C1R: variants seen among roughly 807,000 people sequenced by gnomAD.
C1R encodes complement C1r, also known as complement C1r subcomponent.
In C1R, 15 loss-of-function variants were observed where a neutral mutation model predicts 27.6. That is an observed-to-expected ratio of 0.54 (90% CI 0.36 to 0.84). The LOEUF (loss-of-function observed/expected upper bound fraction) is 0.84, where lower values mean the gene tolerates loss of function less well. C1R is among the 40% of genes least tolerant of loss of function. The pLI, the probability that C1R is intolerant of heterozygous loss-of-function variation, is 0.01. For synonymous variants in C1R, 253 were observed against 228.8 expected, an observed-to-expected ratio of 1.11 and a Z score of -0.95; for missense variants, 544 against 577.9, an observed-to-expected ratio of 0.94 and a Z score of 0.60.
rs1438157043 is a variant in C1R, at chr12:7,091,207, C to T, written c.231+245G>A. The T allele has an allele frequency of 3.9e-6, 2 of 506,570 alleles. No homozygotes were observed. The highest frequency in any genetic ancestry group is 6.9e-6 in the Non-Finnish European group (2 of 289,572). The allele number at this position is 506,570 out of a possible 1,614,324, so 31.4% of individuals were successfully genotyped here. A position where few individuals can be genotyped will look rare whatever the true frequency, so the allele number is the denominator to read the frequency against. On this transcript the variant is annotated intron_variant, in intron 2 of 10. Coordinates refer to ENST00000647956, the MANE Select transcript of C1R (RefSeq NM_001733.7). The surrounding 1 kb of genome is among the most constrained non-coding windows in gnomAD (Gnocchi z 5.1). ...GCAGATGGGGAAGGTTTTCCTGACT[C>T]AGTGGATGTTGAATTTCCTGAGTGG...
chr12:7,092,205 T>G, intron 1 of C1R, 182 bp downstream of exon 1: 2 of 658,940 alleles, frequency 3.0e-6, no homozygotes, highest in South Asian at 1.7e-5. Flanking sequence ...ATGTATGAAG[T>G]CTCCTCTGAT....
rs1591591815 is a variant in C1R, at chr12:7,091,356, G to C, written c.231+96C>G. On this transcript the variant is annotated intron_variant, in intron 2 of 10. Coordinates refer to ENST00000647956, the MANE Select transcript of C1R (RefSeq NM_001733.7). This position sits in a 1 kb window ranked among gnomAD's most constrained non-coding sequence, Gnocchi z 5.1. Reference sequence around the variant, plus strand: ...AGGCCGTTGGCCATCAGCTCTTGTGGGGCTGGGCTGTGTCTGGGGGTGTGC... The same window carrying C: ...AGGCCGTTGGCCATCAGCTCTTGTGCGGCTGGGCTGTGTCTGGGGGTGTGC... The C allele has an allele frequency of 2.9e-6, 2 of 680,572 alleles. No homozygotes were observed. The allele number at this position is 680,572 out of a possible 1,614,324, so 42.2% of individuals were successfully genotyped here.
At position 7,091,846 on chromosome 12, in the gene C1R, G is replaced by A; in HGVS notation, c.3-166C>T. 1 of 700,428 alleles carries A rather than the reference G, an allele frequency of 1.4e-6. No individual in the cohort carries two copies. Among genetic ancestry groups the A allele is most frequent in the South Asian group, 1.5e-5 (1 of 66,708 alleles). The allele number at this position is 700,428 out of a possible 1,614,324, so 43.4% of individuals were successfully genotyped here. A position where few individuals can be genotyped will look rare whatever the true frequency, so the allele number is the denominator to read the frequency against. On this transcript the variant is annotated intron_variant, in intron 1 of 10. Transcript: ENST00000647956. This position sits in a 1 kb window ranked among gnomAD's most constrained non-coding sequence, Gnocchi z 5.1. ...TCAGCAGGGGTGCGTGGGTGGGGAG[G>A]ATGGCCTGTGCAGCTGCTGCATCGG...
At chr12:7,086,051 A>G (rs1938152098) in intron 8 of C1R, 35 bp from the exon 9 acceptor site, 1 of 398,580 alleles carries the variant, frequency 2.5e-6, no homozygotes, top group African/African-American at 2.1e-5. Context: ...GAGAGCTGAG[A>G]ATGACTGTGC....
At position 7,091,969 on chromosome 12, in the gene C1R, C is replaced by G; in HGVS notation, c.3-289G>C. 1 of 609,158 alleles carries G rather than the reference C, an allele frequency of 1.6e-6. No individual in the cohort carries two copies. The highest frequency in any genetic ancestry group is 1.7e-5 in the South Asian group (1 of 57,746). The allele number at this position is 609,158 out of a possible 1,614,324, so 37.7% of individuals were successfully genotyped here. A position where few individuals can be genotyped will look rare whatever the true frequency, so the allele number is the denominator to read the frequency against. ...CTGCCCGGACGCGTCCCTCCCCTCC[C>G]CTTCCAGGAATAGGACTGGCTTGGG... On this transcript the variant is annotated intron_variant, in intron 1 of 10. Coordinates refer to ENST00000647956, the MANE Select transcript of C1R (RefSeq NM_001733.7). The surrounding 1 kb of genome is among the most constrained non-coding windows in gnomAD (Gnocchi z 5.1).
In C1R at chr12:7,090,138, C is replaced by G. The variant is rs1376670321; in HGVS notation, c.342G>C (p.Leu114=). ...EFMSQGNKML[L]TFHTDFSNEE... ...CGTTGGAGAAGTCTGTGTGGAAGGT[C>G]AGCAGCATCTTGTTCCCTTGGGACA... The change falls in exon 3 of 11, where the codon CTG becomes CTC. Residue 114 remains leucine, a synonymous_variant. Coordinates refer to ENST00000647956, the MANE Select transcript of C1R (RefSeq NM_001733.7). 1 of 776,258 alleles carries G rather than the reference C, an allele frequency of 1.3e-6. No individual in the cohort carries two copies. 48.1% of individuals were successfully genotyped at this position (776,258 alleles called of 1,614,324 possible).
At position 7,089,003 on chromosome 12, in the gene C1R, G is replaced by A; in HGVS notation, c.769-17C>T. On this transcript the variant is annotated splice_polypyrimidine_tract_variant and intron_variant, in intron 5 of 10. Coordinates refer to ENST00000647956, the MANE Select transcript of C1R (RefSeq NM_001733.7). Reference sequence around the variant, plus strand: ...GGCATAGATCTAGTAGGGGAGGAGGGTTTTTTTTTTTCAGCTTGGACGTTT... The same window carrying A: ...GGCATAGATCTAGTAGGGGAGGAGGATTTTTTTTTTTCAGCTTGGACGTTT... The A allele has an allele frequency of 1.8e-6, 1 of 559,972 alleles. No homozygotes were observed. The highest frequency in any genetic ancestry group is 3.3e-6 in the Non-Finnish European group (1 of 302,186). 34.7% of individuals were successfully genotyped at this position (559,972 alleles called of 1,614,324 possible). A position where few individuals can be genotyped will look rare whatever the true frequency, so the allele number is the denominator to read the frequency against.
At chr12:7,085,443 T>C (rs1474908612) in intron 9 of C1R, among the ~76,000 whole-genome samples, 1 of 151,828 alleles carries the variant, frequency 6.6e-6, no homozygotes, top group Non-Finnish European at 1.5e-5. Context: ...ATGGTGGTGA[T>C]AATGGTAGTG....
chr12:7,081,554 G>A (rs1047443933), intron 10 of C1R, among the ~76,000 whole-genome samples: 83 of 150,940 alleles, frequency 5.5e-4, no homozygotes, highest in African/African-American at 1.8e-3. Context: ...ATGCAGTGGC[G>A]CGATTTCAGC....
At chr12:7,083,024 T>A (rs1318675984) in intron 9 of C1R, among the ~76,000 whole-genome samples, 17 of 152,322 alleles carry the variant, frequency 1.1e-4, no homozygotes, top group African/African-American at 3.1e-4. Context: ...TTTTTCTGTG[T>A]TTCAAACCTA....
chr12:7,089,978 C>T (rs1323652981), intron 3 of C1R, 78 bp downstream of exon 3: 9 of 702,110 alleles, frequency 1.3e-5, no homozygotes, highest in Non-Finnish European at 2.4e-5. Flanking sequence ...GGCTTCTTTG[C>T]ATTCAAGATT....
chr12:7,090,264 CA>C lies in C1R; in HGVS notation c.232-17del, dbSNP rs763828463. ...CAGCAGAGATCTGGTGGAAGAAGGA[CA>C]GGGGGTAGGAAGAAGATCTGTTGCG... On this transcript the variant is annotated splice_polypyrimidine_tract_variant and intron_variant, in intron 2 of 10. Coordinates refer to ENST00000647956, the MANE Select transcript of C1R (RefSeq NM_001733.7). The C allele has an allele frequency of 1.4e-6, 1 of 720,332 alleles. No homozygotes were observed. Among genetic ancestry groups the C allele is most frequent in the Admixed American group, 2.0e-5 (1 of 50,214 alleles). The allele number at this position is 720,332 out of a possible 1,614,324, so 44.6% of individuals were successfully genotyped here.
chr12:7,091,713 A>G lies in C1R; in HGVS notation c.3-33T>C, dbSNP rs1938279701. ...AACAAAAGAGAGTATCTGGAGCTGG[A>G]GGGGTTCAGCACTCTTGCCATGTGG... is the stretch of plus-strand genomic sequence containing the variant. On this transcript the variant is annotated intron_variant, in intron 1 of 10. Coordinates refer to ENST00000647956, the MANE Select transcript of C1R (RefSeq NM_001733.7). This position sits in a 1 kb window ranked among gnomAD's most constrained non-coding sequence, Gnocchi z 5.1. 2 of 719,400 alleles carry G rather than the reference A, an allele frequency of 2.8e-6. No homozygotes were observed. The highest frequency in any genetic ancestry group is 3.0e-5 in the South Asian group (2 of 67,580). 44.6% of individuals were successfully genotyped at this position (719,400 alleles called of 1,614,324 possible). A position where few individuals can be genotyped will look rare whatever the true frequency, so the allele number is the denominator to read the frequency against.
In C1R at chr12:7,088,628, T is replaced by C. The variant is rs757994169; in HGVS notation, c.1020A>G (p.Gln340=). The change falls in exon 7 of 11, where the codon CAA becomes CAG. Residue 340 remains glutamine, a synonymous_variant. Transcript: ENST00000647956. ...FRDYFIATCK[Q]GYQLIEGNQV... ...CTCTTACCTCTATGAGCTGGTAGCCTTGCTTGCAGGTAGCAATGAAGTAGT... is the reference window on the plus strand; with the variant it reads ...CTCTTACCTCTATGAGCTGGTAGCCCTGCTTGCAGGTAGCAATGAAGTAGT... 2.7e-6 allele frequency: 2 copies of C among 728,432 alleles called. No individual in the cohort carries two copies. The highest frequency in any genetic ancestry group is 3.5e-5 in the African/African-American group (2 of 57,916). The allele number at this position is 728,432 out of a possible 1,614,324, so 45.1% of individuals were successfully genotyped here. A position where few individuals can be genotyped will look rare whatever the true frequency, so the allele number is the denominator to read the frequency against.
chr12:7,085,705 T>G (rs1938145791), intron 9 of C1R, among the ~76,000 whole-genome samples, 156 bp downstream of exon 9: 1 of 152,112 alleles, frequency 6.6e-6, no homozygotes, highest in Non-Finnish European at 1.5e-5. Flanking sequence ...TCTTCAAACC[T>G]ACTAGGTTCC....
At chr12:7,092,262 GCA>G in intron 1 of C1R, 123 bp downstream of exon 1, 1 of 755,082 alleles carries the variant, frequency 1.3e-6, no homozygotes, top group Non-Finnish European at 2.5e-6. Flanking sequence ...CCACGCGTGT[GCA>G]CAGTGGAACT....
rs1938274963 is a variant in C1R at position 7,091,557 on chromosome 12, A to G, written c.126T>C (p.Phe42=). 2 of 778,012 alleles carry G rather than the reference A, an allele frequency of 2.6e-6. No homozygotes were observed. The highest frequency in any genetic ancestry group is 2.7e-5 in the South Asian group (2 of 73,818). The allele number at this position is 778,012 out of a possible 1,614,324, so 48.2% of individuals were successfully genotyped here. A position where few individuals can be genotyped will look rare whatever the true frequency, so the allele number is the denominator to read the frequency against. Residue 42 remains phenylalanine (F), a synonymous_variant, in exon 2 of 11, where the codon TTT becomes TTC. Coordinates refer to ENST00000647956, the MANE Select transcript of C1R (RefSeq NM_001733.7). This position sits in a 1 kb window ranked among gnomAD's most constrained non-coding sequence, Gnocchi z 5.1. ...GGACTGTGATCACAGTGGTTGTTTCAAAGTTGTTGGGGTAAGGCTTGGGGA... is the reference window on the plus strand; with the variant it reads ...GGACTGTGATCACAGTGGTTGTTTCGAAGTTGTTGGGGTAAGGCTTGGGGA... ...PLFPKPYPNN[F]ETTTVITVPT...
chr12:7,085,622 T>C (rs1441267088), intron 9 of C1R, among the ~76,000 whole-genome samples: 1 of 151,918 alleles, frequency 6.6e-6, no homozygotes, highest in East Asian at 1.9e-4. Flanking sequence ...ATGGTGGTAG[T>C]GGGGATGATG....
At chr12:7,086,083 G>C in intron 8 of C1R, 67 bp from the exon 9 acceptor site, 1 of 398,602 alleles carries the variant, frequency 2.5e-6, no homozygotes, top group Non-Finnish European at 4.4e-6. Flanking sequence ...TGAGGGGAGT[G>C]TGAGTTGTCT....
Sources: allele counts gnomAD v4.1 joint callset (sites outside exome capture counted in the v4.1 genomes callset), GRCh38; gene constraint gnomAD v4.1.1; non-coding constraint Gnocchi (gnomAD v3.1); transcripts MANE v1.5; gene names NCBI Gene and HGNC (gene_info 2026-07-23, HGNC 2026-07-21).